The following HCRTR2 variants were observed in gnomAD, a reference collection of about 807,000 sequenced individuals.
HCRTR2 encodes hypocretin receptor 2, also known as orexin receptor type 2.
Under a neutral mutation model 49.0 loss-of-function variants are expected in HCRTR2, and 22 were observed. The ratio of observed to expected loss-of-function variants is 0.45; its 90% CI spans 0.32 to 0.64. HCRTR2 has a LOEUF of 0.64. HCRTR2 is among the 30% of genes least tolerant of loss of function. The pLI, the probability that HCRTR2 is intolerant of heterozygous loss-of-function variation, is 0.04. For synonymous variants in HCRTR2, 236 were observed against 205.3 expected (o/e 1.15, Z -1.28); for missense variants, 491 against 559.4 (o/e 0.88, Z 1.23).
At chr6:55,147,971 G>C (rs899923667) in intron 1 of HCRTR2, among the ~76,000 whole-genome samples, 4 of 148,184 alleles carry the variant, frequency 2.7e-5, no homozygotes, top group African/African-American at 9.7e-5. Context: ...AGGTGTTTTA[G>C]TGAAATCATG....
chr6:55,130,318 G>A (rs1330819135), intron 1 of HCRTR2, among the ~76,000 whole-genome samples: 7 of 151,674 alleles, frequency 4.6e-5, no homozygotes, highest in South Asian at 2.1e-4. Context: ...TTCCCCATGC[G>A]ATGAATGTTA....
chr6:55,279,575 G>T (rs1351101256), intron 5 of HCRTR2, among the ~76,000 whole-genome samples: 2 of 125,234 alleles, frequency 1.6e-5, no homozygotes, highest in Non-Finnish European at 3.5e-5. Flanking sequence ...AATCGAAGAT[G>T]GAGACTTTAG....
chr6:55,181,967 T>C (rs972021328), intron 1 of HCRTR2, among the ~76,000 whole-genome samples: 27 of 152,252 alleles, frequency 1.8e-4, no homozygotes, highest in African/African-American at 6.3e-4. Context: ...TCAGTTATCA[T>C]AGTCTTTTTC....
chr6:55,247,893 C>T (rs544353886), intron 1 of HCRTR2, among the ~76,000 whole-genome samples: 2 of 152,182 alleles, frequency 1.3e-5, no homozygotes, highest in African/African-American at 2.4e-5. Context: ...TACTTTATTA[C>T]AGTACTCTCA....
downstream of HCRTR2, chr6:55,282,700 A>T (rs555128622): frequency 2.5e-6 from 1 of 404,872 alleles, no homozygotes; most frequent in African/African-American, 4.8e-5. Context: ...TTTTAGTTTC[A>T]TGTATTAAAA....
At chr6:55,255,496 G>A in intron 3 of HCRTR2, 117 bp downstream of exon 3, 2 of 1,244,208 alleles carry the variant, frequency 1.6e-6, no homozygotes, top group Non-Finnish European at 2.3e-6. Context: ...TGTGAATACA[G>A]TTTTGCAAGA....
chr6:55,118,644 A>G (rs913058483), intron 1 of HCRTR2, among the ~76,000 whole-genome samples: 16 of 151,856 alleles, frequency 1.1e-4, no homozygotes, highest in African/African-American at 3.9e-4. Flanking sequence ...TATTTCTCTA[A>G]TGATTATTGA....
intron 1 of HCRTR2, among the ~76,000 whole-genome samples, chr6:55,157,425 C>T (rs1764745764): frequency 6.6e-6 from 1 of 152,236 alleles, no homozygotes; most frequent in African/African-American, 2.4e-5. Context: ...TCTTGGATGG[C>T]ATCTCTGGAT....
intron 1 of HCRTR2, among the ~76,000 whole-genome samples, chr6:55,157,545 T>C (rs2127260760): frequency 6.6e-6 from 1 of 152,308 alleles, no homozygotes; most frequent in Admixed American, 6.5e-5. Context: ...ACACAGGTGG[T>C]AGCCAGATAG....
At chr6:55,204,762 C>T (rs1167588045) in intron 1 of HCRTR2, among the ~76,000 whole-genome samples, 1 of 151,972 alleles carries the variant, frequency 6.6e-6, no homozygotes, top group Non-Finnish European at 1.5e-5. Flanking sequence ...TATCCAAATC[C>T]TCTCCCCTGC....
chr6:55,189,190 T>C (rs1159057758), intron 1 of HCRTR2, among the ~76,000 whole-genome samples: 1 of 152,166 alleles, frequency 6.6e-6, no homozygotes, highest in Admixed American at 6.5e-5. Context: ...TTAAACATGT[T>C]TTGCAATCTC....
intron 1 of HCRTR2, among the ~76,000 whole-genome samples, chr6:55,120,520 C>A (rs143116604): frequency 6.6e-6 from 1 of 150,786 alleles, no homozygotes; most frequent in African/African-American, 2.5e-5. Flanking sequence ...TTGTAGCAGT[C>A]GTGAATGGGA....
chr6:55,185,703 T>C (rs1765206293), intron 1 of HCRTR2, among the ~76,000 whole-genome samples: 2 of 152,122 alleles, frequency 1.3e-5, no homozygotes, highest in African/African-American at 4.8e-5. Context: ...CCTGAGTAAA[T>C]GAACTATAAC....
intron 1 of HCRTR2, among the ~76,000 whole-genome samples, chr6:55,180,419 G>T (rs1765111442): frequency 6.6e-6 from 1 of 152,226 alleles, no homozygotes; most frequent in South Asian, 2.1e-4. Context: ...AGTTGTTTGG[G>T]CATGTTGCCA....
intron 1 of HCRTR2, among the ~76,000 whole-genome samples, chr6:55,145,796 TC>T (rs1285277162): frequency 8.6e-5 from 13 of 151,988 alleles, no homozygotes; most frequent in African/African-American, 3.1e-4. Context: ...CCATATTCTC[TC>T]CCCTGTATAT....
At chr6:55,119,569 A>G (rs1764166601) in intron 1 of HCRTR2, among the ~76,000 whole-genome samples, 1 of 151,314 alleles carries the variant, frequency 6.6e-6, no homozygotes, top group African/African-American at 2.4e-5. Context: ...TGTTCACTGC[A>G]TAAATGTCTT....
intron 1 of HCRTR2, among the ~76,000 whole-genome samples, chr6:55,221,531 G>T (rs931179945): frequency 6.6e-6 from 1 of 152,032 alleles, no homozygotes; most frequent in Admixed American, 6.5e-5. Flanking sequence ...TTAAAGATCT[G>T]GGCCGGGCGT....
intron 1 of HCRTR2, among the ~76,000 whole-genome samples, chr6:55,195,571 A>G (rs1042039312): frequency 6.6e-6 from 1 of 152,222 alleles, no homozygotes; most frequent in African/African-American, 2.4e-5. Context: ...AAATAACTCA[A>G]AGAGTAGAAT....
At chr6:55,235,631 T>C (rs748622532) in intron 1 of HCRTR2, among the ~76,000 whole-genome samples, 14 of 152,120 alleles carry the variant, frequency 9.2e-5, no homozygotes, top group Non-Finnish European at 2.1e-4. Context: ...GATCTATAAG[T>C]AACCTGGAAT....
Sources: allele counts gnomAD v4.1 joint callset (sites outside exome capture counted in the v4.1 genomes callset), GRCh38; gene constraint gnomAD v4.1.1; transcripts MANE v1.5; gene names NCBI Gene and HGNC (gene_info 2026-07-23, HGNC 2026-07-21).